The following FAM83A variants were observed in gnomAD, a reference collection of about 807,000 sequenced individuals.
FAM83A encodes scaffolding CK1 anchoring protein A, also known as protein FAM83A.
FAM83A carries 21 observed loss-of-function variants against 24.4 expected under a neutral mutation model. The observed-to-expected ratio is 0.86, with a 90% CI of 0.61 to 1.24. The LOEUF is 1.24. FAM83A is among the 50% of genes most tolerant of loss of function. FAM83A has a pLI of 0.00. For missense variants in FAM83A, 617 were observed against 579.8 expected (o/e 1.06, Z -0.66); for synonymous variants, 270 against 252.4 (o/e 1.07, Z -0.66).
Position 123,203,686 on chromosome 8 carries a change from AGAT to A in FAM83A, c.774-3469_774-3467del, listed in dbSNP as rs371258582. Among the ~76,000 whole-genome samples the A allele has an allele frequency of 1.3e-3, 205 of 152,072 alleles. 1 individual carries two copies. Among genetic ancestry groups the A allele is most frequent in the African/African-American group, 4.7e-3 (195 of 41,528 alleles). On this transcript the variant is annotated intron_variant, in intron 3 of 3. Coordinates refer to ENST00000690554, the Ensembl canonical transcript of FAM83A. The stretch of plus-strand genomic sequence containing the variant: ...GTTACAAACTGGAAGCAGCTATTCA[AGAT>A]GCACACCCCTGACAGAGATTAGTGC...
upstream of FAM83A, chr8:123,182,346 C>G (rs141741698): frequency 8.7e-5 from 31 of 356,274 alleles, no homozygotes; most frequent in African/African-American, 4.7e-4. Context: ...TCTTTCCCCC[C>G]CACAGGGAAA....
chr8:123,205,924 C>T (rs2131107548), intron 3 of FAM83A, among the ~76,000 whole-genome samples: 1 of 152,254 alleles, frequency 6.6e-6, no homozygotes, highest in East Asian at 1.9e-4. Flanking sequence ...GCGGGCGGAT[C>T]ACGAGGTCAG....
chr8:123,191,232 C>G (rs950675528), intron 1 of FAM83A, among the ~76,000 whole-genome samples: 1 of 152,188 alleles, frequency 6.6e-6, no homozygotes, highest in Non-Finnish European at 1.5e-5. Flanking sequence ...CTCCCCTCCC[C>G]AGTTTCTACT....
chr8:123,185,164 G>A (rs1476768983), intron 1 of FAM83A, among the ~76,000 whole-genome samples: 2 of 152,200 alleles, frequency 1.3e-5, no homozygotes, highest in South Asian at 2.1e-4. Flanking sequence ...TTTGTGGCCC[G>A]GCGCTGGCTG....
intron 2 of FAM83A, among the ~76,000 whole-genome samples, chr8:123,192,594 G>A (rs941123994): frequency 6.6e-6 from 1 of 152,214 alleles, no homozygotes; most frequent in African/African-American, 2.4e-5. Context: ...GCTTTCATGA[G>A]TAGGCCTGGG....
At chr8:123,197,474 C>T (rs117535410) in intron 3 of FAM83A, among the ~76,000 whole-genome samples, 3 of 152,282 alleles carry the variant, frequency 2.0e-5, no homozygotes, top group East Asian at 3.9e-4. Flanking sequence ...CAGGCTCATC[C>T]GAGCTGTAGC....
At chr8:123,207,912 G>C in exon 4 of FAM83A, 1 of 1,247,352 alleles carries the variant, frequency 8.0e-7, no homozygotes, top group Non-Finnish European at 1.0e-6. Flanking sequence ...ATTCCAGAAG[G>C]TTCCAGGGAG....
At chr8:123,179,088 T>A (rs1823533475), upstream of FAM83A, 1 of 152,188 alleles carries the variant, frequency 6.6e-6, no homozygotes, top group Non-Finnish European at 1.5e-5. Flanking sequence ...TGGGCTACAG[T>A]TTTCTCATCA....
At chr8:123,194,923 A>G (rs901044165) in intron 3 of FAM83A, among the ~76,000 whole-genome samples, 1 of 152,198 alleles carries the variant, frequency 6.6e-6, no homozygotes, top group Non-Finnish European at 1.5e-5. Flanking sequence ...TCCTACATCC[A>G]AATGACTGAC....
chr8:123,183,430 C>A, intron 1 of FAM83A, 94 bp downstream of exon 1: 11 of 1,514,390 alleles, frequency 7.3e-6, no homozygotes, highest in Non-Finnish European at 9.7e-6. Context: ...GCTCCCAGGG[C>A]GAGAGTCCAG....
At chr8:123,180,985 C>G (rs1823584179), upstream of FAM83A, among the ~76,000 whole-genome samples, 1 of 151,828 alleles carries the variant, frequency 6.6e-6, no homozygotes, top group Non-Finnish European at 1.5e-5. Flanking sequence ...GCTCTGTTGC[C>G]CAGGCTACAG....
chr8:123,182,752 CG>C, exon 1 of FAM83A: 1 of 1,482,322 alleles, frequency 6.7e-7, no homozygotes, highest in Non-Finnish European at 9.0e-7. Context: ...GGCGGCCTCC[CG>C]GGGGTGCGGG....
intron 3 of FAM83A, among the ~76,000 whole-genome samples, chr8:123,203,586 C>CAAAAA (rs1187426797): frequency 3.9e-4 from 16 of 41,152 alleles, no homozygotes; most frequent in African/African-American, 7.1e-4. Context: ...AGATCTGTCT[C>CAAAAA]AAAAAAAAAA....
chr8:123,205,883 G>T (rs1040466314), intron 3 of FAM83A, among the ~76,000 whole-genome samples: 1 of 152,094 alleles, frequency 6.6e-6, no homozygotes, highest in African/African-American at 2.4e-5. Context: ...GGTGGCTCAC[G>T]CCTGTAATCC....
chr8:123,193,259 G>T (rs946368829), intron 2 of FAM83A, among the ~76,000 whole-genome samples: 2 of 152,204 alleles, frequency 1.3e-5, no homozygotes, highest in Admixed American at 6.5e-5. Context: ...TCCTCTGGCT[G>T]CACCGAGCCT....
chr8:123,179,454 A>C (rs1823543461), upstream of FAM83A: 1 of 152,250 alleles, frequency 6.6e-6, no homozygotes, highest in African/African-American at 2.4e-5. Context: ...GAGCCAAATA[A>C]ATTTCTGTTC....
chr8:123,191,292 C>T (rs1250558415), intron 1 of FAM83A, among the ~76,000 whole-genome samples: 2 of 152,164 alleles, frequency 1.3e-5, no homozygotes, highest in Non-Finnish European at 2.9e-5. Flanking sequence ...CCTTCTCCAT[C>T]CCACGGGGAG....
At chr8:123,184,724 G>C (rs1823733199) in intron 1 of FAM83A, among the ~76,000 whole-genome samples, 1 of 152,250 alleles carries the variant, frequency 6.6e-6, no homozygotes, top group South Asian at 2.1e-4. Flanking sequence ...CACTCCTGCT[G>C]CTGCAGAGGG....
chr8:123,208,750 C>T (rs1306066445), exon 4 of FAM83A: 1 of 984,024 alleles, frequency 1.0e-6, no homozygotes, highest in Non-Finnish European at 1.2e-6. Flanking sequence ...AATCCCAGAA[C>T]TTTGGGATGC....
Sources: gnomAD v4.1 joint callset for allele counts (sites outside exome capture counted in the v4.1 genomes callset) on GRCh38, gnomAD v4.1.1 for gene constraint, MANE v1.5 for transcripts, NCBI Gene and HGNC (gene_info 2026-07-23, HGNC 2026-07-21) for gene names.